The following RAP1A variants were observed in gnomAD, a reference collection of about 807,000 sequenced individuals.
RAP1A encodes ras-related protein Rap-1A.
A neutral mutation model predicts 26.4 loss-of-function variants in RAP1A; 6 were observed. That is an observed-to-expected ratio of 0.23 (90% CI 0.12 to 0.45). RAP1A has a LOEUF of 0.45. Ranked by LOEUF, RAP1A falls within the 20% of genes least tolerant of loss-of-function variation. The pLI is 0.99. For missense variants in RAP1A, 121 were observed against 217.2 expected (o/e 0.56, Z 2.78); for synonymous variants, 73 against 79.4 (o/e 0.92, Z 0.43).
intron 1 of RAP1A, among the ~76,000 whole-genome samples, chr1:111,544,671 A>G (rs1052853638): frequency 6.6e-5 from 10 of 152,196 alleles, no homozygotes; most frequent in African/African-American, 2.4e-4. Flanking sequence ...ACATTGGTGT[A>G]CAAGTTTTTG....
At chr1:111,702,139 A>G (rs1236379678) in intron 4 of RAP1A, among the ~76,000 whole-genome samples, 1 of 152,234 alleles carries the variant, frequency 6.6e-6, no homozygotes, top group African/African-American at 2.4e-5. Flanking sequence ...GGTAGTGGTC[A>G]TGGGGAACAA....
chr1:111,613,208 CT>C (rs898208035), intron 1 of RAP1A, among the ~76,000 whole-genome samples: 2 of 129,866 alleles, frequency 1.5e-5, no homozygotes, highest in Non-Finnish European at 1.7e-5. Flanking sequence ...TTTTCTTTTT[CT>C]TTTTTTTTGA....
At chr1:111,577,611 T>A (rs940526359) in intron 1 of RAP1A, among the ~76,000 whole-genome samples, 3 of 152,192 alleles carry the variant, frequency 2.0e-5, no homozygotes, top group Admixed American at 6.5e-5. Flanking sequence ...TTATTGGGTT[T>A]AGATTAGGAG....
intron 6 of RAP1A, chr1:111,706,652 G>A (rs1236372053): frequency 3.2e-6 from 3 of 931,842 alleles, no homozygotes; most frequent in Non-Finnish European, 3.8e-6. Context: ...TCTATTCTGT[G>A]TTCCCTTTAG....
At chr1:111,681,074 G>A (rs1010712335) in intron 1 of RAP1A, among the ~76,000 whole-genome samples, 4 of 152,066 alleles carry the variant, frequency 2.6e-5, no homozygotes, top group South Asian at 4.1e-4. Flanking sequence ...GTGAAACCCC[G>A]TCTCTACTAA....
At chr1:111,704,260 G>A in intron 5 of RAP1A, 83 bp from the exon 6 acceptor site, 1 of 1,413,384 alleles carries the variant, frequency 7.1e-7, no homozygotes, top group Non-Finnish European at 9.6e-7. Context: ...TTCAGTTGGT[G>A]GCAGATAATT....
intron 1 of RAP1A, among the ~76,000 whole-genome samples, chr1:111,581,052 C>T (rs535002385): frequency 6.6e-6 from 1 of 151,526 alleles, no homozygotes; most frequent in South Asian, 2.1e-4. Flanking sequence ...AAAGAGGACA[C>T]AGGGTTTTGC....
chr1:111,626,732 T>A (rs1281709411), intron 1 of RAP1A, among the ~76,000 whole-genome samples: 1 of 152,220 alleles, frequency 6.6e-6, no homozygotes, highest in Non-Finnish European at 1.5e-5. Flanking sequence ...ACAATTTTTC[T>A]GGTTTTTCCA....
chr1:111,704,611 C>A, intron 6 of RAP1A, 125 bp downstream of exon 6: 1 of 1,011,754 alleles, frequency 9.9e-7, no homozygotes, highest in Non-Finnish European at 1.4e-6. Context: ...TTATAGGAAA[C>A]ACTAAGTAAT....
At chr1:111,626,385 A>ACG (rs113197686) in intron 1 of RAP1A, among the ~76,000 whole-genome samples, 1,840 of 151,738 alleles carry the variant, frequency 0.012, 38 homozygotes, top group African/African-American at 0.042. Context: ...ACACACACAC[A>ACG]CACACACACA....
rs1055574755 is a variant in RAP1A at position 111,714,192 on chromosome 1, C to T, written c.*1791C>T. On this transcript the variant is annotated 3_prime_UTR_variant, in exon 8 of 8. Coordinates refer to ENST00000369709, the MANE Select transcript of RAP1A (RefSeq NM_002884.4). ...GAATAAACTTAGTTACCTTACACTT[C>T]CCTTCTACTTATCCAATTATGCATA... 3 of 152,080 alleles carry T rather than the reference C, an allele frequency of 2.0e-5. No individual in the cohort carries two copies. The highest frequency in any genetic ancestry group is 1.9e-4 in the East Asian group (1 of 5,190). The allele number at this position is 152,080 out of a possible 1,614,324, so 9.4% of individuals were successfully genotyped here.
At chr1:111,617,655 C>T (rs915986875), upstream of RAP1A, among the ~76,000 whole-genome samples, 1 of 151,372 alleles carries the variant, frequency 6.6e-6, no homozygotes, top group South Asian at 2.1e-4. Flanking sequence ...AGGATGGTCT[C>T]GATCTCCTGA....
At chr1:111,574,014 A>T (rs1013419056) in intron 1 of RAP1A, among the ~76,000 whole-genome samples, 1 of 152,166 alleles carries the variant, frequency 6.6e-6, no homozygotes, top group Non-Finnish European at 1.5e-5. Flanking sequence ...TGACATCTTC[A>T]TCATGAAATA....
At position 111,658,148 on chromosome 1, in the gene RAP1A, A is replaced by G. The variant is rs575740928; in HGVS notation, c.-27-33186A>G. Among the ~76,000 whole-genome samples the G allele has an allele frequency of 6.6e-5, 10 of 152,328 alleles. No individual in the cohort carries two copies. In the East Asian group the frequency reaches 1.2e-3, roughly 18 times the overall value. ...TTAACAGGGATACGTTCGGAGAAATATATTATTAGGCAATTTGTTAAATTA... is the reference window on the plus strand; with the variant it reads ...TTAACAGGGATACGTTCGGAGAAATGTATTATTAGGCAATTTGTTAAATTA... On this transcript the variant is annotated intron_variant, in intron 1 of 7. Coordinates refer to ENST00000369709, the MANE Select transcript of RAP1A (RefSeq NM_002884.4).
At chr1:111,614,370 G>A (rs1199223990) in intron 1 of RAP1A, among the ~76,000 whole-genome samples, 1 of 152,088 alleles carries the variant, frequency 6.6e-6, no homozygotes, top group Middle Eastern at 3.2e-3. Context: ...GAAGCATAAG[G>A]GCTTGCTAAG....
At chr1:111,542,215 G>A (rs1396466749), upstream of RAP1A, 22 of 573,942 alleles carry the variant, frequency 3.8e-5, no homozygotes, top group South Asian at 2.8e-4. Flanking sequence ...TAATGAAACA[G>A]ACATCCTTCG....
At chr1:111,679,978 A>G (rs1379078127) in intron 1 of RAP1A, among the ~76,000 whole-genome samples, 2 of 152,130 alleles carry the variant, frequency 1.3e-5, no homozygotes, top group Non-Finnish European at 2.9e-5. Flanking sequence ...GCAGACTTAA[A>G]TGTTCCTGCC....
At chr1:111,584,346 C>T (rs532611898) in intron 1 of RAP1A, among the ~76,000 whole-genome samples, 1 of 152,218 alleles carries the variant, frequency 6.6e-6, no homozygotes, top group East Asian at 1.9e-4. Context: ...TTATAAACAA[C>T]AGAAACTTAC....
intron 1 of RAP1A, chr1:111,608,286 C>T (rs1279995879): frequency 6.3e-6 from 1 of 159,596 alleles, no homozygotes; most frequent in Non-Finnish European, 1.4e-5. Context: ...GAGGCTCTCC[C>T]CACATCTCAG....
Sources: allele counts gnomAD v4.1 joint callset (sites outside exome capture counted in the v4.1 genomes callset), GRCh38; gene constraint gnomAD v4.1.1; transcripts MANE v1.5; gene names NCBI Gene and HGNC (gene_info 2026-07-23, HGNC 2026-07-21).